The following ARHGAP22 variants were observed in gnomAD, a reference collection of about 807,000 sequenced individuals.
ARHGAP22 encodes Rho GTPase activating protein 22.
Under a neutral mutation model 59.1 loss-of-function variants are expected in ARHGAP22, and 48 were observed. That is an observed-to-expected ratio of 0.81 (90% CI 0.64 to 1.03). The LOEUF (loss-of-function observed/expected upper bound fraction) is 1.03. Ranked by LOEUF, ARHGAP22 falls within the 50% of genes least tolerant of loss-of-function variation. The pLI is 0.00. For synonymous variants in ARHGAP22, 445 were observed against 416.4 expected (o/e 1.07, Z -0.84); for missense variants, 1,015 against 958.7 (o/e 1.06, Z -0.78).
At chr10:48,458,452 C>G (rs1259340114) in intron 5 of ARHGAP22, among the ~76,000 whole-genome samples, 1 of 152,122 alleles carries the variant, frequency 6.6e-6, no homozygotes, top group South Asian at 2.1e-4. Flanking sequence ...GAGACCCCCC[C>G]AGCAGGATGG....
At chr10:48,618,581 T>G (rs1165587288) in intron 1 of ARHGAP22, among the ~76,000 whole-genome samples, 1 of 152,040 alleles carries the variant, frequency 6.6e-6, no homozygotes, top group South Asian at 2.1e-4. Context: ...ATCAACATAA[T>G]GAGGCACAAA....
chr10:48,577,815 T>TGG lies in ARHGAP22; in HGVS notation c.234+5137_234+5138insCC, dbSNP rs1260363111. Among the ~76,000 whole-genome samples, 32 of 126,118 alleles carry TGG rather than the reference T, an allele frequency of 2.5e-4. 2 individuals carry two copies. Among genetic ancestry groups the TGG allele is most frequent in the South Asian group, 6.8e-4 (2 of 2,944 alleles). The allele number at this position is 126,118 out of a possible 152,430, so 82.7% of individuals were successfully genotyped here. A position where few individuals can be genotyped will look rare whatever the true frequency, so the allele number is the denominator to read the frequency against. On this transcript the variant is annotated intron_variant, in intron 2 of 9. Coordinates refer to ENST00000249601, the MANE Select transcript of ARHGAP22 (RefSeq NM_021226.4). The stretch of plus-strand genomic sequence containing the variant: ...GCTCTTTTTTGGTTTTTTTTTTTTT[T>TGG]TTTTTTTTTTTTTTGGAGACAGAGT...
At chr10:48,493,327 C>T (rs1000752331) in intron 3 of ARHGAP22, 1 of 1,155,010 alleles carries the variant, frequency 8.7e-7, no homozygotes, top group Non-Finnish European at 1.2e-6. Context: ...TTTCATTTCT[C>T]TTTACCTGGT....
chr10:48,451,086 A>C lies in ARHGAP22; in HGVS notation c.1043T>G (p.Leu348Arg). The change falls in exon 9 of 10, where the codon CTC (leucine) becomes CGC (arginine). Residue 348 changes from leucine (L) to arginine (R), a missense_variant. Leu to Arg is a moderately radical substitution (Grantham distance 102). Coordinates refer to ENST00000249601, the MANE Select transcript of ARHGAP22 (RefSeq NM_021226.4). ...CCCTTCCGGGACCGGTGCCGTGAAG[A>C]GCTGGCTGTGTTTGCGGATGAGGAC... ...MTVLIRKHSQ[L>R]FTAPVPEGPT... The C allele has an allele frequency of 6.4e-7, 1 of 1,553,042 alleles. No individual in the cohort carries two copies. Among genetic ancestry groups the C allele is most frequent in the Non-Finnish European group, 8.7e-7 (1 of 1,148,186 alleles).
chr10:48,615,860 T>C (rs186468724), intron 1 of ARHGAP22, among the ~76,000 whole-genome samples: 159 of 151,006 alleles, frequency 1.1e-3, no homozygotes, highest in Middle Eastern at 3.4e-3. Flanking sequence ...AATAAAAAAT[T>C]CACTAGAGAG....
chr10:48,573,034 C>A (rs2135505690), intron 2 of ARHGAP22, among the ~76,000 whole-genome samples: 1 of 152,252 alleles, frequency 6.6e-6, no homozygotes, highest in African/African-American at 2.4e-5. Flanking sequence ...TTAATACATG[C>A]AAAACACTTA....
upstream of ARHGAP22, chr10:48,655,527 CA>C: frequency 6.5e-6 from 1 of 152,996 alleles, no homozygotes; most frequent in Non-Finnish European, 1.5e-5. Context: ...GCAGCAAGTT[CA>C]AAGGCAGGTC....
intron 3 of ARHGAP22, among the ~76,000 whole-genome samples, chr10:48,540,098 C>T (rs933557875): frequency 6.6e-6 from 1 of 152,212 alleles, no homozygotes; most frequent in South Asian, 2.1e-4. Flanking sequence ...TCACCCTTAA[C>T]CATGACCCCA....
chr10:48,579,961 C>A lies in ARHGAP22; in HGVS notation c.234+2992G>T, dbSNP rs116276519. 3.1e-3 allele frequency among the ~76,000 whole-genome samples: 468 copies of A among 152,288 alleles called. 1 individual carries two copies. Among genetic ancestry groups the A allele is most frequent in the African/African-American group, 0.011 (444 of 41,550 alleles). On this transcript the variant is annotated intron_variant, in intron 2 of 9. Transcript: ENST00000249601. Reference sequence around the variant, plus strand: ...AGCTGAATGAATCAAAATTGACCGACAGTTGCCTTGAGATTGGGAACCTGG... The same window carrying A: ...AGCTGAATGAATCAAAATTGACCGAAAGTTGCCTTGAGATTGGGAACCTGG...
intron 4 of ARHGAP22, among the ~76,000 whole-genome samples, chr10:48,461,435 T>C (rs1318201768): frequency 1.3e-5 from 2 of 152,184 alleles, no homozygotes; most frequent in East Asian, 3.8e-4. Context: ...CTTGTATGCT[T>C]TTCTGCATGT....
chr10:48,592,216 C>CT (rs2059801693), intron 1 of ARHGAP22, among the ~76,000 whole-genome samples: 1 of 152,178 alleles, frequency 6.6e-6, no homozygotes, highest in Non-Finnish European at 1.5e-5. Flanking sequence ...CAGAGTCTCA[C>CT]CACTACATTG....
chr10:48,577,700 GAGAAT>G (rs2135557587), intron 2 of ARHGAP22, among the ~76,000 whole-genome samples: 1 of 100,610 alleles, frequency 9.9e-6, no homozygotes, highest in Admixed American at 1.0e-4. Flanking sequence ...TTTATTCTCA[GAGAAT>G]ACATACAACT....
At chr10:48,552,210 C>G (rs1256814984) in intron 3 of ARHGAP22, among the ~76,000 whole-genome samples, 1 of 152,282 alleles carries the variant, frequency 6.6e-6, no homozygotes, top group Non-Finnish European at 1.5e-5. Context: ...GTTTTTCCCC[C>G]TCTTGGGGGT....
chr10:48,646,587 A>T (rs1186559909), intron 1 of ARHGAP22, among the ~76,000 whole-genome samples: 1 of 152,158 alleles, frequency 6.6e-6, no homozygotes, highest in Non-Finnish European at 1.5e-5. Flanking sequence ...GGGAAAGGAA[A>T]ATTTTTTAAC....
chr10:48,521,728 A>G (rs1413274103), intron 3 of ARHGAP22, among the ~76,000 whole-genome samples: 1 of 152,260 alleles, frequency 6.6e-6, no homozygotes, highest in Non-Finnish European at 1.5e-5. Context: ...TGTTACTGCT[A>G]TTACAACCGA....
intron 3 of ARHGAP22, among the ~76,000 whole-genome samples, chr10:48,487,799 G>A (rs2049997950): frequency 6.6e-6 from 1 of 152,194 alleles, no homozygotes; most frequent in Non-Finnish European, 1.5e-5. Flanking sequence ...AGGCACAGTG[G>A]CTCACGCCTG....
intron 2 of ARHGAP22, among the ~76,000 whole-genome samples, chr10:48,555,868 T>C (rs1339087338): frequency 1.3e-5 from 2 of 152,196 alleles, no homozygotes; most frequent in East Asian, 1.9e-4. Context: ...CACCTAAGCC[T>C]TTCTGGGCCA....
rs553629310 is a variant in ARHGAP22 at position 48,531,909 on chromosome 10, T to C, written c.322+23554A>G. Among the ~76,000 whole-genome samples, 453 of 152,272 alleles carry C rather than the reference T, an allele frequency of 3.0e-3. 4 individuals carry two copies. Among genetic ancestry groups the C allele is most frequent in the African/African-American group, 0.011 (440 of 41,560 alleles). ...ACTTCCAGTTAAAAAAGACAAGCCC[T>C]GTGGAGTGCTGGATTGAGACCGCGG... is the stretch of plus-strand genomic sequence containing the variant. On this transcript the variant is annotated intron_variant, in intron 3 of 9. Transcript: ENST00000249601.
At chr10:48,613,824 C>T (rs1477215982) in intron 1 of ARHGAP22, among the ~76,000 whole-genome samples, 1 of 152,104 alleles carries the variant, frequency 6.6e-6, no homozygotes, top group Non-Finnish European at 1.5e-5. Flanking sequence ...AATTTAATTG[C>T]CATTTTGATG....
Sources: gnomAD v4.1 joint callset for allele counts (sites outside exome capture counted in the v4.1 genomes callset) on GRCh38, gnomAD v4.1.1 for gene constraint, MANE v1.5 for transcripts, NCBI Gene and HGNC (gene_info 2026-07-23, HGNC 2026-07-21) for gene names.